Variants in CHAF1A observed in about 807,000 individuals in gnomAD.
CHAF1A encodes the protein chromatin assembly factor 1 subunit A, also known as CAF-1 subunit A.
In CHAF1A, 5 loss-of-function variants were observed where a neutral mutation model predicts 93.2. The observed-to-expected ratio is 0.05, with a 90% CI of 0.03 to 0.11. The LOEUF is 0.11. Ranked by LOEUF, CHAF1A falls within the 10% of genes least tolerant of loss-of-function variation. The probability of loss-of-function intolerance (pLI) is 1.00; values close to 1 mark genes in which losing one functional copy is unlikely to be tolerated. For missense variants in CHAF1A, 1,102 were observed against 1,259.9 expected (o/e 0.87, Z 1.90); for synonymous variants, 504 against 510.3 (o/e 0.99, Z 0.17).
intron 13 of CHAF1A, among the ~76,000 whole-genome samples, chr19:4,436,647 C>T (rs1974288676): frequency 6.6e-6 from 1 of 152,158 alleles, no homozygotes; most frequent in East Asian, 1.9e-4. Flanking sequence ...GATCAGCCCT[C>T]CCCTGGGAAC....
At chr19:4,448,134 A>G, downstream of CHAF1A, 1 of 610,500 alleles carries the variant, frequency 1.6e-6, no homozygotes, top group South Asian at 2.0e-5. Context: ...GGGTAAACTG[A>G]GGCCCAAGGA....
chr19:4,408,254 G>A (rs1200565448), intron 2 of CHAF1A, among the ~76,000 whole-genome samples: 3 of 148,720 alleles, frequency 2.0e-5, no homozygotes, highest in Non-Finnish European at 4.5e-5. Flanking sequence ...GTGCAGTGGC[G>A]TGATCTCAGC....
chr19:4,419,029 ATTTTTTTTTTTTTT>A (rs11406470), intron 4 of CHAF1A, among the ~76,000 whole-genome samples: 6 of 96,472 alleles, frequency 6.2e-5, no homozygotes, highest in African/African-American at 2.6e-4. Flanking sequence ...TAGCCAGCTA[ATTTTTTTTTTTTTT>A]TTTTTTTTTT....
intron 4 of CHAF1A, among the ~76,000 whole-genome samples, 175 bp downstream of exon 4, chr19:4,418,251 G>T (rs1973929402): frequency 6.6e-6 from 1 of 152,098 alleles, no homozygotes; most frequent in African/African-American, 2.4e-5. Context: ...TTTGTGGATT[G>T]TGTCATTTTT....
At chr19:4,432,964 GC>G in intron 12 of CHAF1A, 105 bp from the exon 13 acceptor site, 1 of 921,438 alleles carries the variant, frequency 1.1e-6, no homozygotes, top group Non-Finnish European at 1.6e-6. Flanking sequence ...AGCTGGCCAT[GC>G]CCCAAGCCTC....
intron 3 of CHAF1A, among the ~76,000 whole-genome samples, 182 bp downstream of exon 3, chr19:4,409,941 G>C (rs1335093620): frequency 6.6e-6 from 1 of 152,206 alleles, no homozygotes; most frequent in Non-Finnish European, 1.5e-5. Flanking sequence ...TGCATTCGTT[G>C]TGATGCCCCT....
At position 4,433,791 on chromosome 19, in the gene CHAF1A, G is replaced by A. The variant is rs796465845; in HGVS notation, c.2673+252G>A. On this transcript the variant is annotated intron_variant, in intron 13 of 14. Coordinates refer to ENST00000301280, the MANE Select transcript of CHAF1A (RefSeq NM_005483.3). This position sits in a 1 kb window ranked among gnomAD's most constrained non-coding sequence, Gnocchi z 5.6. The stretch of plus-strand genomic sequence containing the variant: ...TAATTTTTGTATTTTTAGTAGAGAC[G>A]GGGTTTCACCATGTTGGTCAGGCTG... Among the ~76,000 whole-genome samples, 8 of 151,846 alleles carry A rather than the reference G, an allele frequency of 5.3e-5. No homozygotes were observed. Among genetic ancestry groups the A allele is most frequent in the African/African-American group, 1.7e-4 (7 of 41,448 alleles).
At chr19:4,427,863 C>G (rs1387123833) in intron 7 of CHAF1A, among the ~76,000 whole-genome samples, 2 of 152,208 alleles carry the variant, frequency 1.3e-5, no homozygotes, top group Non-Finnish European at 2.9e-5. Flanking sequence ...GCTACAATTA[C>G]AGGCGTGAGC....
rs1974165221 is a variant in CHAF1A, at chr19:4,430,654, AG to A, written c.1947+18del. 1 of 1,612,828 alleles carries A rather than the reference AG, an allele frequency of 6.2e-7. No homozygotes were observed. Among genetic ancestry groups the A allele is most frequent in the African/African-American group, 1.3e-5 (1 of 74,578 alleles). On this transcript the variant is annotated intron_variant, in intron 11 of 14. Transcript: ENST00000301280. ...AGGTGTGACAGAGGTGAGGGAGTGA[AG>A]GGGGAGGTCACCGGCTCAGCAAAAG...
At chr19:4,406,762 G>C (rs1485283768) in intron 2 of CHAF1A, among the ~76,000 whole-genome samples, 1 of 152,032 alleles carries the variant, frequency 6.6e-6, no homozygotes, top group African/African-American at 2.4e-5. Context: ...CTACAGTTTT[G>C]GGTTTTTCAA....
intron 2 of CHAF1A, among the ~76,000 whole-genome samples, chr19:4,408,640 A>G (rs540671851): frequency 1.6e-4 from 24 of 150,602 alleles, no homozygotes; most frequent in South Asian, 4.2e-4. Flanking sequence ...TGGCCTGGCT[A>G]ATTTTTGTAG....
intron 3 of CHAF1A, 21 bp from the exon 4 acceptor site, chr19:4,417,999 A>G (rs756580069): frequency 6.3e-7 from 1 of 1,575,228 alleles, no homozygotes; most frequent in East Asian, 2.2e-5. Context: ...GTGTTTAAAG[A>G]TAAACGTCTT....
chr19:4,422,565 G>T lies in CHAF1A; in HGVS notation c.1018-1G>T. 1 of 1,562,312 alleles carries T rather than the reference G, an allele frequency of 6.4e-7. No homozygotes were observed. The highest frequency in any genetic ancestry group is 1.2e-5 in the South Asian group (1 of 84,738). On this transcript the variant is annotated splice_acceptor_variant, in intron 4 of 14. Coordinates refer to ENST00000301280, the MANE Select transcript of CHAF1A (RefSeq NM_005483.3). LOFTEE classifies it high-confidence loss of function. The surrounding 1 kb of genome is among the most constrained non-coding windows in gnomAD (Gnocchi z 4.6). ...CTGTCACTTGCCACACTGTCTTGTA[G>T]GATCAGGAGCGTCTGGGCAAGCAGC...
chr19:4,434,885 G>A (rs1209575919), intron 13 of CHAF1A, among the ~76,000 whole-genome samples: 1 of 152,020 alleles, frequency 6.6e-6, no homozygotes, highest in African/African-American at 2.4e-5. Flanking sequence ...AGCCTTATGG[G>A]TGCCTCGGAG....
chr19:4,416,158 A>C (rs1973894015), intron 3 of CHAF1A, among the ~76,000 whole-genome samples: 1 of 152,014 alleles, frequency 6.6e-6, no homozygotes, highest in African/African-American at 2.4e-5. Context: ...TGGGCGACAG[A>C]GCGAGACTCC....
intron 10 of CHAF1A, 148 bp downstream of exon 10, chr19:4,429,936 CCT>C: frequency 1.5e-6 from 1 of 667,370 alleles, no homozygotes; most frequent in South Asian, 1.9e-5. Flanking sequence ...CCTGAACGCA[CCT>C]CAACATCCAG....
chr19:4,413,183 T>C (rs988146292), intron 3 of CHAF1A, among the ~76,000 whole-genome samples: 2 of 152,180 alleles, frequency 1.3e-5, no homozygotes, highest in African/African-American at 2.4e-5. Context: ...GCAATTCTCC[T>C]GTCTCAACCT....
intron 7 of CHAF1A, among the ~76,000 whole-genome samples, chr19:4,427,826 A>C (rs1974112482): frequency 6.6e-6 from 1 of 151,630 alleles, no homozygotes. Context: ...GAGCTCAGAC[A>C]ATCCACCCGC....
chr19:4,443,521 A>G (rs1393739298), downstream of CHAF1A: 1 of 164,002 alleles, frequency 6.1e-6, no homozygotes, highest in Non-Finnish European at 1.3e-5. Context: ...GCACCGTCCC[A>G]TCTGTTTGTC....
Sources: allele counts gnomAD v4.1 joint callset (sites outside exome capture counted in the v4.1 genomes callset), GRCh38; gene constraint gnomAD v4.1.1; non-coding constraint Gnocchi (gnomAD v3.1); transcripts MANE v1.5; gene names NCBI Gene and HGNC (gene_info 2026-07-23, HGNC 2026-07-21).